FREM2: variants seen among roughly 807,000 people sequenced by gnomAD.
The protein encoded by FREM2 is FRAS1-related extracellular matrix protein 2.
A neutral mutation model predicts 219.9 loss-of-function variants in FREM2; 119 were observed. The observed-to-expected ratio is 0.54, with a 90% CI of 0.47 to 0.63. FREM2 has a LOEUF of 0.63. Among genes scored for constraint, FREM2 ranks in the 30% least tolerant of loss-of-function variants. The probability of loss-of-function intolerance (pLI) is 0.00; values close to 1 mark genes in which losing one functional copy is unlikely to be tolerated. For missense variants in FREM2, 4,030 were observed against 3,993.6 expected (o/e 1.01, Z -0.25); for synonymous variants, 1,562 against 1,522.8 (o/e 1.03, Z -0.60).
chr13:38,854,800 C>A (rs773562014), intron 11 of FREM2, among the ~76,000 whole-genome samples: 1 of 152,036 alleles, frequency 6.6e-6, no homozygotes, highest in African/African-American at 2.4e-5. Context: ...GCTCCTCGTA[C>A]CTGATAATTT....
intron 2 of FREM2, among the ~76,000 whole-genome samples, chr13:38,720,113 T>C (rs1279185750): frequency 1.3e-5 from 2 of 152,168 alleles, no homozygotes; most frequent in Admixed American, 1.3e-4. Context: ...ACAGTGCCAA[T>C]TTTCCTTCTA....
chr13:38,756,167 A>G (rs1872988648), intron 2 of FREM2, among the ~76,000 whole-genome samples: 1 of 152,214 alleles, frequency 6.6e-6, no homozygotes, highest in African/African-American at 2.4e-5. Context: ...AGAATAACCT[A>G]TTGTGACTTT....
chr13:38,826,974 C>T (rs1280105342), intron 6 of FREM2, among the ~76,000 whole-genome samples: 2 of 152,090 alleles, frequency 1.3e-5, no homozygotes, highest in African/African-American at 4.8e-5. Context: ...CTAATTTTCT[C>T]TTACGTAGAA....
intron 2 of FREM2, among the ~76,000 whole-genome samples, chr13:38,758,029 G>A (rs1873081998): frequency 6.6e-6 from 1 of 152,176 alleles, no homozygotes; most frequent in Non-Finnish European, 1.5e-5. Flanking sequence ...ATTATCATAA[G>A]CAGCAATTCT....
At chr13:38,821,974 A>G (rs1046239739) in intron 6 of FREM2, 2 of 152,144 alleles carry the variant, frequency 1.3e-5, no homozygotes, top group Non-Finnish European at 2.9e-5. Context: ...GTGGGCAGCC[A>G]GTAAACTGAT....
At chr13:38,716,651 G>C (rs1195848839) in intron 2 of FREM2, among the ~76,000 whole-genome samples, 1 of 152,026 alleles carries the variant, frequency 6.6e-6, no homozygotes, top group Admixed American at 6.6e-5. Flanking sequence ...GGGATTACAG[G>C]CACCTGCCAC....
intron 3 of FREM2, among the ~76,000 whole-genome samples, chr13:38,765,731 C>G (rs769415991): frequency 2.6e-5 from 4 of 151,772 alleles, no homozygotes; most frequent in East Asian, 1.9e-4. Context: ...TTCCTTTTAA[C>G]TTTAGAAGAC....
chr13:38,834,230 C>T (rs1327918292), intron 6 of FREM2, among the ~76,000 whole-genome samples: 1 of 151,494 alleles, frequency 6.6e-6, no homozygotes, highest in Non-Finnish European at 1.5e-5. Context: ...CATGTGTTCT[C>T]ATTGTTCAAC....
intron 4 of FREM2, among the ~76,000 whole-genome samples, chr13:38,782,621 G>A (rs1874161707): frequency 6.6e-6 from 1 of 152,228 alleles, no homozygotes; most frequent in Non-Finnish European, 1.5e-5. Flanking sequence ...TTCTAATCCT[G>A]ACTTGGCCAG....
intron 6 of FREM2, among the ~76,000 whole-genome samples, chr13:38,788,258 A>G (rs1874410828): frequency 6.6e-6 from 1 of 152,180 alleles, no homozygotes; most frequent in African/African-American, 2.4e-5. Context: ...AGACTGCTTA[A>G]CATAGCAGAT....
At position 38,690,175 on chromosome 13, in the gene FREM2, GC is replaced by G. The variant is rs759257554; in HGVS notation, c.2833del (p.His945IlefsTer10). 2.5e-6 allele frequency: 4 copies of G among 1,614,000 alleles called. No individual in the cohort carries two copies. Among genetic ancestry groups the G allele is most frequent in the Non-Finnish European group, 3.4e-6 (4 of 1,180,018 alleles). Reference sequence around the variant, plus strand: ...GTGGATGATGAAGTGCCCATACTGAGCCATCCTACTGGCACTCTGGAGTCCT... The same window carrying G: ...GTGGATGATGAAGTGCCCATACTGAGCATCCTACTGGCACTCTGGAGTCCT... ...RPVDDEVPILSHPTGTLESYL... is the reference protein window; with the variant it reads ...RPVDDEVPILXHPTGTLESYL... On this transcript the variant is annotated frameshift_variant, in exon 1 of 24. Transcript: ENST00000280481. LOFTEE classifies it high-confidence loss of function.
chr13:38,882,906 T>C lies in FREM2; in HGVS notation c.*2119T>C, dbSNP rs560678066. The C allele has an allele frequency of 1.3e-5, 2 of 152,284 alleles. No homozygotes were observed. Among genetic ancestry groups the C allele is most frequent in the South Asian group, 4.1e-4 (2 of 4,826 alleles). 9.4% of individuals were successfully genotyped at this position (152,284 alleles called of 1,614,324 possible). On this transcript the variant is annotated 3_prime_UTR_variant, in exon 24 of 24. Coordinates refer to ENST00000280481, the MANE Select transcript of FREM2 (RefSeq NM_207361.6). ...TCCGAGCCTATCATGCAATTTGGAG[T>C]CTGTCAATGAATATAGCAATCGGTG...
rs74644184 is a variant in FREM2 at position 38,735,325 on chromosome 13, A to G, written c.5264-28979A>G. Among the ~76,000 whole-genome samples, 24 of 152,320 alleles carry G rather than the reference A, an allele frequency of 1.6e-4. No individual in the cohort carries two copies. In the East Asian group the frequency reaches 4.4e-3, roughly 28 times the overall value. The stretch of plus-strand genomic sequence containing the variant: ...AAATTATAAATGTACCCTTTAGGTT[A>G]GAAATTATGTGATTGAGTTTAGATA... On this transcript the variant is annotated intron_variant, in intron 2 of 23. Transcript: ENST00000280481.
chr13:38,687,271 G>A lies in FREM2; in HGVS notation c.-74G>A. 2 of 1,544,660 alleles carry A rather than the reference G, an allele frequency of 1.3e-6. No individual in the cohort carries two copies. The highest frequency in any genetic ancestry group is 1.8e-6 in the Non-Finnish European group (2 of 1,141,984). On this transcript the variant is annotated 5_prime_UTR_variant, in exon 1 of 24. Transcript: ENST00000280481. Reference sequence around the variant, plus strand: ...GGAGTTCCTGGCACTTCCCGGCGGTGTCTCTTGTTGTCTGCCCGGGGACCG... The same window carrying A: ...GGAGTTCCTGGCACTTCCCGGCGGTATCTCTTGTTGTCTGCCCGGGGACCG...
intron 2 of FREM2, among the ~76,000 whole-genome samples, chr13:38,713,255 G>A (rs1000207168): frequency 6.6e-6 from 1 of 152,146 alleles, no homozygotes; most frequent in African/African-American, 2.4e-5. Flanking sequence ...TTGGTCTAAT[G>A]CTCAGCTTTG....
intron 6 of FREM2, among the ~76,000 whole-genome samples, chr13:38,822,561 C>T (rs1005274267): frequency 1.3e-5 from 2 of 151,920 alleles, no homozygotes; most frequent in African/African-American, 2.4e-5. Context: ...GTCTGCATCT[C>T]ATAAACTGGT....
intron 6 of FREM2, among the ~76,000 whole-genome samples, chr13:38,809,716 C>T (rs2137861586): frequency 6.6e-6 from 1 of 152,054 alleles, no homozygotes; most frequent in Middle Eastern, 3.4e-3. Context: ...TAGTACCATG[C>T]TGTTTTGATT....
At position 38,834,180 on chromosome 13, in the gene FREM2, C is replaced by T. The variant is rs200031886; in HGVS notation, c.6020-12393C>T. 2.6e-5 allele frequency among the ~76,000 whole-genome samples: 4 copies of T among 152,096 alleles called. No individual in the cohort carries two copies. The East Asian group carries it at 7.7e-4, about 29-fold the overall frequency. On this transcript the variant is annotated intron_variant, in intron 6 of 23. Transcript: ENST00000280481. ...CTATCCCTCCCCTTGATCCCCACCC[C>T]CCAATAGGCCCCAGTGTGTGATGTT...
intron 6 of FREM2, among the ~76,000 whole-genome samples, chr13:38,840,951 T>G (rs1355463606): frequency 6.6e-6 from 1 of 152,128 alleles, no homozygotes; most frequent in African/African-American, 2.4e-5. Flanking sequence ...AGGTAAAAAC[T>G]TTGTCCATAA....
Sources: allele counts gnomAD v4.1 joint callset (sites outside exome capture counted in the v4.1 genomes callset), GRCh38; gene constraint gnomAD v4.1.1; transcripts MANE v1.5; gene names NCBI Gene and HGNC (gene_info 2026-07-23, HGNC 2026-07-21).